The following ZDHHC15 variants were observed in gnomAD, a reference collection of about 807,000 sequenced individuals.
ZDHHC15 encodes the protein zDHHC palmitoyltransferase 15.
Under a neutral mutation model 31.7 loss-of-function variants are expected in ZDHHC15, and 19 were observed. The ratio of observed to expected loss-of-function variants is 0.60; its 90% confidence interval spans 0.42 to 0.88. The LOEUF (loss-of-function observed/expected upper bound fraction) is 0.88. Ranked by LOEUF, ZDHHC15 falls within the 40% of genes least tolerant of loss-of-function variation. The probability of loss-of-function intolerance (pLI) is 0.00; values close to 1 mark genes in which losing one functional copy is unlikely to be tolerated. For missense variants in ZDHHC15, 209 were observed against 251.2 expected (o/e 0.83, Z 1.14); for synonymous variants, 103 against 90.0 (o/e 1.14, Z -0.82).
At chrX:75,423,089 C>T (rs1041593531) in intron 8 of ZDHHC15, among the ~76,000 whole-genome samples, 28 of 106,866 alleles carry the variant, frequency 2.6e-4, no homozygotes, top group Non-Finnish European at 4.6e-4. Context: ...CTTAGTTTAC[C>T]GCAGCCTTAA....
intron 10 of ZDHHC15, among the ~76,000 whole-genome samples, chrX:75,404,976 C>A (rs887610340): frequency 8.9e-6 from 1 of 111,879 alleles, no homozygotes; most frequent in Non-Finnish European, 1.9e-5. Context: ...TGGAATCAAC[C>A]TAAATGCCCA....
At chrX:75,384,966 G>A (rs186974821) in intron 10 of ZDHHC15, 2 of 419,037 alleles carry the variant, frequency 4.8e-6, no homozygotes, top group Non-Finnish European at 8.3e-6. Flanking sequence ...AGGGCAATTT[G>A]GTACCCTTGA....
intron 10 of ZDHHC15, among the ~76,000 whole-genome samples, chrX:75,407,567 C>T (rs1487310478): frequency 5.4e-5 from 6 of 110,181 alleles, no homozygotes; most frequent in African/African-American, 1.3e-4. Flanking sequence ...AGCCCCCGCC[C>T]GGCCAGCTGC....
intron 4 of ZDHHC15, among the ~76,000 whole-genome samples, chrX:75,435,741 G>T (rs1334638776): frequency 8.9e-6 from 1 of 112,188 alleles, no homozygotes; most frequent in African/African-American, 3.2e-5. Context: ...AATTCGGTTA[G>T]CTAGTATTTT....
At chrX:75,446,901 A>C (rs2084041322) in intron 4 of ZDHHC15, among the ~76,000 whole-genome samples, 1 of 111,549 alleles carries the variant, frequency 9.0e-6, no homozygotes, top group African/African-American at 3.3e-5. Context: ...TCAATATATA[A>C]ATTTTAGGGG....
At chrX:75,406,838 C>T (rs2083417208) in intron 10 of ZDHHC15, among the ~76,000 whole-genome samples, 1 of 111,673 alleles carries the variant, frequency 9.0e-6, no homozygotes, top group African/African-American at 3.3e-5. Flanking sequence ...TCTACAAGGC[C>T]AGCATTACCC....
chrX:75,390,024 C>A (rs745551667), intron 10 of ZDHHC15, among the ~76,000 whole-genome samples: 1 of 106,801 alleles, frequency 9.4e-6, no homozygotes, highest in Non-Finnish European at 1.9e-5. Flanking sequence ...ATTCACCATA[C>A]CCTTATTGAA....
chrX:75,474,571 T>TACAC (rs1209885057), intron 3 of ZDHHC15, among the ~76,000 whole-genome samples: 1 of 22,758 alleles, frequency 4.4e-5, no homozygotes, highest in Admixed American at 9.9e-4. Context: ...TAATCCCCTT[T>TACAC]ATACACACAC....
intron 3 of ZDHHC15, among the ~76,000 whole-genome samples, chrX:75,468,959 C>T (rs916943611): frequency 1.8e-5 from 2 of 111,868 alleles, no homozygotes; most frequent in Admixed American, 9.5e-5. Flanking sequence ...ATTCTGAACA[C>T]TTGACACATC....
intron 3 of ZDHHC15, among the ~76,000 whole-genome samples, chrX:75,475,947 C>A (rs1449376068): frequency 9.0e-6 from 1 of 110,969 alleles, no homozygotes; most frequent in Non-Finnish European, 1.9e-5. Context: ...TATGTTTATT[C>A]CTAAGTATTT....
At chrX:75,419,087 C>G (rs1408408157) in intron 9 of ZDHHC15, among the ~76,000 whole-genome samples, 1 of 111,363 alleles carries the variant, frequency 9.0e-6, no homozygotes, top group African/African-American at 3.3e-5. Context: ...CCAGAATCTA[C>G]AAATAACTTA....
intron 10 of ZDHHC15, among the ~76,000 whole-genome samples, chrX:75,411,554 C>T (rs2147820071): frequency 8.9e-6 from 1 of 112,534 alleles, no homozygotes; most frequent in East Asian, 2.8e-4. Context: ...TTGAATGTTC[C>T]TAGCCTAAAT....
At chrX:75,472,890 G>T (rs918919146) in intron 3 of ZDHHC15, among the ~76,000 whole-genome samples, 2 of 112,202 alleles carry the variant, frequency 1.8e-5, no homozygotes, top group Non-Finnish European at 3.8e-5. Flanking sequence ...ATTTCTTGGG[G>T]TGATCAGCCA....
chrX:75,424,439 T>C (rs2083686939), intron 8 of ZDHHC15, among the ~76,000 whole-genome samples: 1 of 111,116 alleles, frequency 9.0e-6, no homozygotes, highest in African/African-American at 3.3e-5. Context: ...CTGTGTGGGG[T>C]TTCATTAAAA....
intron 4 of ZDHHC15, among the ~76,000 whole-genome samples, chrX:75,449,989 T>C (rs951838961): frequency 2.4e-4 from 27 of 111,969 alleles, no homozygotes; most frequent in Admixed American, 2.1e-3. Context: ...CAGATACTTA[T>C]ACAGTAATAT....
At chrX:75,438,544 T>C (rs1462687761) in intron 4 of ZDHHC15, among the ~76,000 whole-genome samples, 1 of 111,623 alleles carries the variant, frequency 9.0e-6, no homozygotes, top group Non-Finnish European at 1.9e-5. Context: ...CTTAAGTTTA[T>C]GTCAGTCCTT....
chrX:75,506,422 T>C (rs2085165247), intron 1 of ZDHHC15, among the ~76,000 whole-genome samples: 1 of 112,017 alleles, frequency 8.9e-6, no homozygotes, highest in Non-Finnish European at 1.9e-5. Context: ...CATACTTTCT[T>C]TTTTTCTTCA....
intron 3 of ZDHHC15, among the ~76,000 whole-genome samples, chrX:75,467,539 G>T (rs1209175706): frequency 4.5e-5 from 5 of 112,151 alleles, no homozygotes; most frequent in Middle Eastern, 4.6e-3. Context: ...TAATACTGTG[G>T]CTATTAAATT....
At chrX:75,463,863 G>A (rs1036808627) in intron 3 of ZDHHC15, among the ~76,000 whole-genome samples, 5 of 112,030 alleles carry the variant, frequency 4.5e-5, no homozygotes, top group Non-Finnish European at 7.5e-5. Flanking sequence ...CAACCATTAT[G>A]GAAGACAGTG....
Sources: gnomAD v4.1 joint callset for allele counts (sites outside exome capture counted in the v4.1 genomes callset) on GRCh38, gnomAD v4.1.1 for gene constraint, MANE v1.5 for transcripts, NCBI Gene and HGNC (gene_info 2026-07-23, HGNC 2026-07-21) for gene names.